The following CSMD1 variants were observed in gnomAD, a reference collection of about 807,000 sequenced individuals.
CSMD1 encodes CUB and Sushi multiple domains 1, also known as CUB and sushi domain-containing protein 1.
CSMD1 carries 213 observed loss-of-function variants against 417.5 expected under a neutral mutation model. That is an observed-to-expected ratio of 0.51 (90% CI 0.46 to 0.57). The LOEUF is 0.57. CSMD1 is among the 20% of genes least tolerant of loss of function. CSMD1 has a pLI of 0.00. For missense variants in CSMD1, 6,923 were observed against 4,529.7 expected (o/e 1.53, Z -15.17); for synonymous variants, 2,862 against 1,736.8 (o/e 1.65, Z -16.11).
chr8:3,273,803 C>T (rs939121626), intron 26 of CSMD1, among the ~76,000 whole-genome samples: 9 of 151,912 alleles, frequency 5.9e-5, no homozygotes, highest in African/African-American at 2.2e-4. Flanking sequence ...TTTATTGTAT[C>T]TATTTGATTC....
At chr8:4,761,336 T>G (rs1812027481) in intron 1 of CSMD1, among the ~76,000 whole-genome samples, 1 of 151,874 alleles carries the variant, frequency 6.6e-6, no homozygotes, top group African/African-American at 2.4e-5. Context: ...AAAAGTCAAT[T>G]TTTACATTAA....
At chr8:3,181,241 G>C (rs11785446) in intron 36 of CSMD1, 27 bp from the exon 37 acceptor site, 264,917 of 1,453,390 alleles carry the variant, frequency 0.18, 24,613 homozygotes, top group Non-Finnish European at 0.2. Context: ...AGATAGAATT[G>C]TAACACTACA....
intron 3 of CSMD1, among the ~76,000 whole-genome samples, chr8:4,178,346 T>G (rs1045079571): frequency 2.6e-5 from 4 of 150,950 alleles, no homozygotes; most frequent in Non-Finnish European, 4.4e-5. Context: ...ATTATCTCAA[T>G]AGATGCAGAA....
chr8:4,777,234 G>A (rs903918907), intron 1 of CSMD1, among the ~76,000 whole-genome samples: 16 of 152,328 alleles, frequency 1.1e-4, no homozygotes, highest in African/African-American at 3.1e-4. Flanking sequence ...GAGAAGCAGA[G>A]CATCCTCTCT....
intron 12 of CSMD1, among the ~76,000 whole-genome samples, chr8:3,423,160 G>C (rs1419100789): frequency 2.0e-5 from 3 of 152,106 alleles, no homozygotes; most frequent in Non-Finnish European, 4.4e-5. Flanking sequence ...GTTTAATTAA[G>C]GAATGAATTA....
chr8:3,201,832 T>C, intron 31 of CSMD1, 107 bp from the exon 32 acceptor site: 2 of 413,280 alleles, frequency 4.8e-6, no homozygotes, highest in Non-Finnish European at 8.0e-6. Flanking sequence ...ATCATTATCC[T>C]AAGAATTTGG....
chr8:4,414,118 G>C (rs899264992), intron 3 of CSMD1, among the ~76,000 whole-genome samples: 4 of 152,174 alleles, frequency 2.6e-5, no homozygotes, highest in African/African-American at 4.8e-5. Context: ...ATCACTTCAA[G>C]GGAGAAATAA....
intron 12 of CSMD1, among the ~76,000 whole-genome samples, chr8:3,427,732 A>G (rs895194024): frequency 2.0e-5 from 3 of 152,206 alleles, no homozygotes; most frequent in African/African-American, 7.2e-5. Flanking sequence ...AAAAGTAACT[A>G]TTTAATTTAA....
At chr8:3,965,611 T>C (rs1812631031) in intron 5 of CSMD1, among the ~76,000 whole-genome samples, 1 of 147,542 alleles carries the variant, frequency 6.8e-6, no homozygotes, top group Non-Finnish European at 1.5e-5. Flanking sequence ...AAAATTTCTT[T>C]TTATTTATTT....
At chr8:4,076,613 T>C (rs1362174175) in intron 3 of CSMD1, among the ~76,000 whole-genome samples, 4 of 152,232 alleles carry the variant, frequency 2.6e-5, no homozygotes, top group African/African-American at 9.6e-5. Context: ...AAACATTTGA[T>C]AGTTGCCTGT....
intron 3 of CSMD1, among the ~76,000 whole-genome samples, chr8:4,333,013 A>G (rs938973438): frequency 6.6e-6 from 1 of 151,960 alleles, no homozygotes; most frequent in African/African-American, 2.4e-5. Flanking sequence ...GCCTAGCAAC[A>G]ATGTATTTCT....
intron 2 of CSMD1, among the ~76,000 whole-genome samples, chr8:4,443,193 G>C (rs1240179256): frequency 1.1e-4 from 16 of 152,268 alleles, no homozygotes; most frequent in East Asian, 3.9e-4. Context: ...ATATTACTGA[G>C]TATACAAGAG....
chr8:3,016,613 A>G (rs1808856381), intron 52 of CSMD1, among the ~76,000 whole-genome samples: 1 of 152,172 alleles, frequency 6.6e-6, no homozygotes, highest in South Asian at 2.1e-4. Flanking sequence ...TAGTATGTAC[A>G]TATGTATGTG....
intron 8 of CSMD1, among the ~76,000 whole-genome samples, chr8:3,589,291 T>A (rs1030579570): frequency 1.3e-5 from 2 of 152,158 alleles, no homozygotes; most frequent in East Asian, 1.9e-4. Context: ...TGCACTCTCA[T>A]AGTCACTGCA....
chr8:4,065,995 G>A (rs535776350), intron 3 of CSMD1, among the ~76,000 whole-genome samples: 2 of 152,300 alleles, frequency 1.3e-5, no homozygotes, highest in South Asian at 2.1e-4. Context: ...AGGGGAAGGA[G>A]ACCCTTCTCC....
chr8:4,585,573 G>A (rs1229052178), intron 2 of CSMD1, among the ~76,000 whole-genome samples: 1 of 152,078 alleles, frequency 6.6e-6, no homozygotes, highest in Admixed American at 6.6e-5. Context: ...TGAAAAGGTA[G>A]AATTCAGATG....
intron 17 of CSMD1, among the ~76,000 whole-genome samples, chr8:3,392,426 G>A (rs1053360921): frequency 6.6e-6 from 1 of 152,022 alleles, no homozygotes; most frequent in Non-Finnish European, 1.5e-5. Flanking sequence ...GTGCTAGACG[G>A]GGTTACCTGG....
rs1491188362 is a variant in CSMD1 at position 4,312,436 on chromosome 8, T to TGTATATATATAC, written c.415+107516_415+107517insGTATATATATAC. On this transcript the variant is annotated intron_variant, in intron 3 of 69. Transcript: ENST00000635120. ...GTATATATATGCGCGTATATATATA[T>TGTATATATATAC]GCGTATATATATACGTATATATATG... 9.2e-3 allele frequency among the ~76,000 whole-genome samples: 1,074 copies of TGTATATATATAC among 116,616 alleles called. 193 individuals carry two copies. The highest frequency in any genetic ancestry group is 0.05 in the African/African-American group (981 of 19,474). 76.5% of individuals were successfully genotyped at this position (116,616 alleles called of 152,430 possible). A position where few individuals can be genotyped will look rare whatever the true frequency, so the allele number is the denominator to read the frequency against.
At chr8:4,452,607 AAT>A (rs1172963551) in intron 2 of CSMD1, among the ~76,000 whole-genome samples, 3 of 152,188 alleles carry the variant, frequency 2.0e-5, no homozygotes, top group African/African-American at 7.2e-5. Flanking sequence ...CGAAAAAGAT[AAT>A]AGTTTTTATG....
Sources: allele counts gnomAD v4.1 joint callset (sites outside exome capture counted in the v4.1 genomes callset), GRCh38; gene constraint gnomAD v4.1.1; transcripts MANE v1.5; gene names NCBI Gene and HGNC (gene_info 2026-07-23, HGNC 2026-07-21).